The following VPS13D variants were observed in gnomAD, a reference collection of about 807,000 sequenced individuals.
VPS13D encodes the protein intermembrane lipid transfer protein VPS13D.
VPS13D carries 187 observed loss-of-function variants against 461.9 expected under a neutral mutation model. The observed-to-expected ratio is 0.40, with a 90% CI of 0.36 to 0.46. The LOEUF is 0.46. Among genes scored for constraint, VPS13D ranks in the 20% least tolerant of loss-of-function variants. The probability of loss-of-function intolerance (pLI) is 0.60; values close to 1 mark genes in which losing one functional copy is unlikely to be tolerated. For synonymous variants in VPS13D, 1,951 were observed against 1,986.3 expected (o/e 0.98, Z 0.47); for missense variants, 4,711 against 5,364.9 (o/e 0.88, Z 3.81).
At chr1:12,368,210 C>T (rs571222518) in intron 52 of VPS13D, among the ~76,000 whole-genome samples, 30 of 152,322 alleles carry the variant, frequency 2.0e-4, no homozygotes, top group African/African-American at 6.7e-4. Context: ...TACATTACAT[C>T]CATCCATCCT....
chr1:12,324,473 C>T (rs1024122482), intron 35 of VPS13D, among the ~76,000 whole-genome samples: 3 of 152,190 alleles, frequency 2.0e-5, no homozygotes, highest in African/African-American at 7.2e-5. Context: ...CCCTGCACTA[C>T]AGCCTAGGCA....
Position 12,358,943 on chromosome 1 carries a change from G to A in VPS13D, c.10141+342G>A, listed in dbSNP as rs577492217. Among the ~76,000 whole-genome samples, 7 of 152,180 alleles carry A rather than the reference G, an allele frequency of 4.6e-5. No homozygotes were observed. In the South Asian group the frequency reaches 1.0e-3, roughly 23 times the overall value. On this transcript the variant is annotated intron_variant, in intron 50 of 69. Transcript: ENST00000620676. ...CCTTTCATCCTCCAAGTATTCCCACGCATTCATTAAAATTTGCAAGCCCTA... is the reference window on the plus strand; with the variant it reads ...CCTTTCATCCTCCAAGTATTCCCACACATTCATTAAAATTTGCAAGCCCTA...
chr1:12,283,574 A>G lies in VPS13D; in HGVS notation c.5472A>G (p.Gln1824=), dbSNP rs532907386. Residue 1824 remains glutamine (Q), a synonymous_variant, in exon 21 of 70, where the codon CAA becomes CAG. Transcript: ENST00000620676. ...GCTTGGATGTGCTGATCACACTGCAAACCTGGGTTGTGATATTAGACTTTT... is the reference window on the plus strand; with the variant it reads ...GCTTGGATGTGCTGATCACACTGCAGACCTGGGTTGTGATATTAGACTTTT... ...FNCLDVLITL[Q]TWVVILDFFG... 5.0e-6 allele frequency: 8 copies of G among 1,614,204 alleles called. No homozygotes were observed. The highest frequency in any genetic ancestry group is 3.3e-5 in the Admixed American group (2 of 60,028).
Position 12,318,331 on chromosome 1 carries a change from G to A in VPS13D, c.7408G>A (p.Val2470Ile), listed in dbSNP as rs1642944218. The A allele has an allele frequency of 1.2e-6, 2 of 1,608,152 alleles. No homozygotes were observed. Among genetic ancestry groups the A allele is most frequent in the Non-Finnish European group, 1.7e-6 (2 of 1,175,248 alleles). The change falls in exon 31 of 70, where the codon GTA (valine) becomes ATA (isoleucine). Residue 2470 changes from valine to isoleucine, a missense_variant. Transcript: ENST00000620676. ...NERHLEVKVN[V>I]TGTEFVVIED... ...AAGGCACCTGGAGGTCAAGGTCAAT[G>A]TAACAGGTGATTATATGTGGGTGTG...
intron 68 of VPS13D, 86 bp from the exon 69 acceptor site, chr1:12,506,767 T>C (rs935408823): frequency 6.5e-7 from 1 of 1,534,158 alleles, no homozygotes; most frequent in Non-Finnish European, 8.8e-7. Context: ...ACTCAGGCCC[T>C]GGGGCCACAG....
chr1:12,370,260 G>A lies in VPS13D; in HGVS notation c.10808+558G>A, dbSNP rs1007884135. 2.0e-5 allele frequency among the ~76,000 whole-genome samples: 3 copies of A among 152,282 alleles called. No individual in the cohort carries two copies. In the East Asian group the frequency reaches 5.8e-4, roughly 29 times the overall value. On this transcript the variant is annotated intron_variant, in intron 54 of 69. Coordinates refer to ENST00000620676, the MANE Select transcript of VPS13D (RefSeq NM_015378.4). Reference sequence around the variant, plus strand: ...TATTTTAATTCTGTTAGATTGCCACGCAGAGATTCAAAACACTGGGCTTTC... The same window carrying A: ...TATTTTAATTCTGTTAGATTGCCACACAGAGATTCAAAACACTGGGCTTTC...
chr1:12,309,669 G>A (rs1160887802), intron 27 of VPS13D, among the ~76,000 whole-genome samples: 2 of 151,486 alleles, frequency 1.3e-5, no homozygotes, highest in African/African-American at 2.4e-5. Context: ...GGCTGAGGCA[G>A]GAGAATTGAT....
intron 67 of VPS13D, chr1:12,497,072 A>G (rs886218725): frequency 3.3e-5 from 5 of 153,130 alleles, no homozygotes; most frequent in Admixed American, 2.6e-4. Flanking sequence ...AGGCCTAAAA[A>G]AGAGGGTGCG....
intron 24 of VPS13D, among the ~76,000 whole-genome samples, chr1:12,295,308 A>C (rs1217941768): frequency 6.6e-6 from 1 of 152,122 alleles, no homozygotes; most frequent in East Asian, 1.9e-4. Context: ...CATTTTTAAA[A>C]ATTACATTTT....
intron 60 of VPS13D, among the ~76,000 whole-genome samples, chr1:12,395,055 C>T (rs780084945): frequency 2.0e-5 from 3 of 152,170 alleles, no homozygotes; most frequent in Non-Finnish European, 4.4e-5. Context: ...AACCTCACAT[C>T]TAGGGGCCTG....
At position 12,450,015 on chromosome 1, in the gene VPS13D, CG is replaced by C. The variant is rs757680142; in HGVS notation, c.12334-5980del. Among the ~76,000 whole-genome samples the C allele has an allele frequency of 5.3e-5, 8 of 152,128 alleles. No homozygotes were observed. In the South Asian group the frequency reaches 1.7e-3, roughly 32 times the overall value. ...TGGCACACAACTGTAATCCCTGCTA[CG>C]GGAGGCTGAGGCATGAGAACCGCTT... On this transcript the variant is annotated intron_variant, in intron 65 of 69. Transcript: ENST00000620676.
intron 5 of VPS13D, among the ~76,000 whole-genome samples, chr1:12,247,750 C>T (rs75376444): frequency 0.049 from 7,284 of 148,812 alleles, 367 homozygotes; most frequent in African/African-American, 0.13. Context: ...GTTGCTCAGG[C>T]TGGAATGTGG....
chr1:12,370,495 A>G (rs1417023671), intron 54 of VPS13D, among the ~76,000 whole-genome samples: 1 of 152,222 alleles, frequency 6.6e-6, no homozygotes, highest in East Asian at 1.9e-4. Context: ...AGATTTTTAT[A>G]CATGCCTGGG....
intron 65 of VPS13D, among the ~76,000 whole-genome samples, chr1:12,454,531 A>G (rs918523283): frequency 1.3e-5 from 2 of 152,252 alleles, no homozygotes; most frequent in Non-Finnish European, 2.9e-5. Context: ...TGGACTGAGT[A>G]AAAGGCATGA....
chr1:12,369,639 A>G lies in VPS13D; in HGVS notation c.10745A>G (p.Gln3582Arg), dbSNP rs745452522. ...ATCAACTGCAACATGAATGATTTCC[A>G]GGATAATCGGCAGCTTTATTATGAA... ...SEINCNMNDF[Q>R]DNRQLYYENF... Residue 3582 changes from glutamine to arginine, a missense_variant, in exon 54 of 70, where the codon CAG becomes CGG. Physicochemically the swap from Gln to Arg is conservative, Grantham distance 43. This residue lies in a region of VPS13D where 4,411 missense variants were observed against 4,937.8 expected (regional missense o/e 0.89). Coordinates refer to ENST00000620676, the MANE Select transcript of VPS13D (RefSeq NM_015378.4). 1 of 1,614,240 alleles carries G rather than the reference A, an allele frequency of 6.2e-7. No homozygotes were observed. The highest frequency in any genetic ancestry group is 8.5e-7 in the Non-Finnish European group (1 of 1,180,044).
At chr1:12,300,060 G>C (rs1244769979) in intron 25 of VPS13D, among the ~76,000 whole-genome samples, 3 of 151,870 alleles carry the variant, frequency 2.0e-5, no homozygotes, top group Non-Finnish European at 2.9e-5. Context: ...TGTTAAACAA[G>C]TAAACGTGTT....
chr1:12,434,450 A>G (rs1645033551), intron 65 of VPS13D, among the ~76,000 whole-genome samples: 2 of 152,194 alleles, frequency 1.3e-5, no homozygotes, highest in South Asian at 4.1e-4. Flanking sequence ...CTGTGGTTTA[A>G]AATGCCACAG....
intron 5 of VPS13D, 140 bp downstream of exon 5, chr1:12,244,757 C>G (rs1384763449): frequency 1.4e-6 from 1 of 718,386 alleles, no homozygotes; most frequent in Non-Finnish European, 2.3e-6. Context: ...CAGGTCTGCC[C>G]TTTTGTAGGC....
At chr1:12,293,405 G>T in intron 23 of VPS13D, 119 bp from the exon 24 acceptor site, 1 of 964,560 alleles carries the variant, frequency 1.0e-6, no homozygotes, top group Non-Finnish European at 1.5e-6. Context: ...CCTAATTTTG[G>T]ATTTCCATTT....
Sources: allele counts gnomAD v4.1 joint callset (sites outside exome capture counted in the v4.1 genomes callset), GRCh38; gene constraint gnomAD v4.1.1; regional missense constraint gnomAD v4.1.1; transcripts MANE v1.5; gene names NCBI Gene and HGNC (gene_info 2026-07-23, HGNC 2026-07-21).